The following DCC variants were observed in gnomAD, a reference collection of about 807,000 sequenced individuals.
DCC encodes the protein netrin receptor DCC.
Under a neutral mutation model 172.5 loss-of-function variants are expected in DCC, and 58 were observed. That is an observed-to-expected ratio of 0.34 (90% CI 0.27 to 0.42). DCC has a LOEUF of 0.42. Ranked by LOEUF, DCC falls within the 10% of genes least tolerant of loss-of-function variation. The probability of loss-of-function intolerance (pLI) is 1.00; values close to 1 mark genes in which losing one functional copy is unlikely to be tolerated. For missense variants in DCC, 1,740 were observed against 1,791.0 expected, an observed-to-expected ratio of 0.97 and a Z score of 0.51; for synonymous variants, 709 against 644.5, an observed-to-expected ratio of 1.10 and a Z score of -1.52.
chr18:53,188,035 T>G (rs750818633), intron 9 of DCC, among the ~76,000 whole-genome samples: 8 of 152,338 alleles, frequency 5.3e-5, no homozygotes, highest in South Asian at 2.1e-4. Flanking sequence ...TGCTAGTAAC[T>G]TGTACATTGT....
At chr18:53,351,398 AG>A (rs2057803364) in intron 15 of DCC, among the ~76,000 whole-genome samples, 1 of 14,076 alleles carries the variant, frequency 7.1e-5, no homozygotes, top group Non-Finnish European at 1.3e-4. Flanking sequence ...ATATATATAC[AG>A]TGTATATATA....
intron 1 of DCC, among the ~76,000 whole-genome samples, chr18:52,471,681 A>G (rs1324405198): frequency 6.6e-6 from 1 of 152,242 alleles, no homozygotes; most frequent in Non-Finnish European, 1.5e-5. Flanking sequence ...TAGTAAATAT[A>G]TATCAGAGTA....
intron 26 of DCC, among the ~76,000 whole-genome samples, chr18:53,491,796 T>C (rs995172831): frequency 6.6e-6 from 1 of 152,196 alleles, no homozygotes; most frequent in East Asian, 1.9e-4. Context: ...TACACATGCA[T>C]GTTTCTTTAT....
intron 16 of DCC, among the ~76,000 whole-genome samples, chr18:53,390,251 T>TTCTCTC (rs3838902): frequency 1.5e-5 from 2 of 133,548 alleles, no homozygotes; most frequent in East Asian, 2.0e-4. Context: ...CTCTTTCTCT[T>TTCTCTC]TCTCTCTCTC....
At chr18:52,899,713 C>T (rs1161809439) in intron 2 of DCC, among the ~76,000 whole-genome samples, 4 of 151,694 alleles carry the variant, frequency 2.6e-5, no homozygotes, top group Non-Finnish European at 5.9e-5. Flanking sequence ...CCAAGTTGGT[C>T]TCAAACTCCT....
At chr18:53,058,394 G>A (rs1314511430) in intron 5 of DCC, among the ~76,000 whole-genome samples, 1 of 152,094 alleles carries the variant, frequency 6.6e-6, no homozygotes, top group African/African-American at 2.4e-5. Flanking sequence ...AACATTTTGA[G>A]AACAGAAGTG....
chr18:53,087,445 G>A (rs1369279233), intron 7 of DCC, among the ~76,000 whole-genome samples: 2 of 151,158 alleles, frequency 1.3e-5, no homozygotes, highest in Non-Finnish European at 3.0e-5. Flanking sequence ...TTTTTGATGG[G>A]GTTGTTTGTT....
chr18:52,510,106 C>T (rs1003525735), intron 1 of DCC, among the ~76,000 whole-genome samples: 2 of 142,162 alleles, frequency 1.4e-5, no homozygotes, highest in African/African-American at 2.7e-5. Context: ...TTCTGTCCCC[C>T]CTGCATCCCC....
chr18:52,377,698 CTTTTTT>C (rs34881042), intron 1 of DCC, among the ~76,000 whole-genome samples: 2 of 136,040 alleles, frequency 1.5e-5, no homozygotes, highest in African/African-American at 5.5e-5. Context: ...TATTAAGCCA[CTTTTTT>C]TTTTTTTTTT....
chr18:53,312,664 C>A (rs895607593), intron 13 of DCC, among the ~76,000 whole-genome samples: 2 of 150,628 alleles, frequency 1.3e-5, no homozygotes, highest in African/African-American at 4.9e-5. Context: ...AAAAAATTAG[C>A]CGGGCGTCGT....
At chr18:53,263,236 C>T (rs1176641948) in intron 12 of DCC, among the ~76,000 whole-genome samples, 1 of 152,212 alleles carries the variant, frequency 6.6e-6, no homozygotes, top group Non-Finnish European at 1.5e-5. Flanking sequence ...ACTGCAGCCT[C>T]CGCCTCTGGG....
intron 28 of DCC, among the ~76,000 whole-genome samples, chr18:53,527,129 GTGTGTGTT>G (rs1213104003): frequency 7.5e-6 from 1 of 133,452 alleles, no homozygotes; most frequent in Non-Finnish European, 1.6e-5. Context: ...GTGTGTGTGT[GTGTGTGTT>G]TCTTTTCAAT....
At chr18:52,673,055 C>T (rs1044550498) in intron 1 of DCC, among the ~76,000 whole-genome samples, 1 of 152,092 alleles carries the variant, frequency 6.6e-6, no homozygotes, top group Non-Finnish European at 1.5e-5. Flanking sequence ...AGAGCGAGAC[C>T]CTGTCTCTTA....
intron 5 of DCC, among the ~76,000 whole-genome samples, chr18:53,030,274 A>G (rs943050146): frequency 3.3e-5 from 5 of 152,132 alleles, no homozygotes; most frequent in Admixed American, 2.0e-4. Flanking sequence ...AGTATAGGAG[A>G]TATATGCACA....
At chr18:53,527,204 T>TC (rs1476135985) in intron 28 of DCC, among the ~76,000 whole-genome samples, 13 of 149,120 alleles carry the variant, frequency 8.7e-5, no homozygotes, top group African/African-American at 2.5e-4. Flanking sequence ...CTCTTCTTCT[T>TC]CCTTTTTTTT....
chr18:53,000,267 A>T (rs1304001177), intron 5 of DCC, among the ~76,000 whole-genome samples: 1 of 152,112 alleles, frequency 6.6e-6, no homozygotes, highest in Non-Finnish European at 1.5e-5. Flanking sequence ...GATAAATGAA[A>T]TGAATTGAAA....
At chr18:52,756,875 A>T (rs1379795768) in intron 2 of DCC, 1 of 152,214 alleles carries the variant, frequency 6.6e-6, no homozygotes, top group African/African-American at 2.4e-5. Context: ...AATAGAACTA[A>T]CAATTATTAT....
intron 1 of DCC, among the ~76,000 whole-genome samples, chr18:52,408,839 T>A (rs1986746536): frequency 6.6e-6 from 1 of 152,144 alleles, no homozygotes; most frequent in Admixed American, 6.6e-5. Context: ...AGGAATCTTT[T>A]CACTGGAAAC....
At chr18:53,158,988 C>CAAAAAAAAAAAAAAAAA (rs558049091) in intron 8 of DCC, among the ~76,000 whole-genome samples, 12 of 52,372 alleles carry the variant, frequency 2.3e-4, no homozygotes, top group African/African-American at 6.6e-4. Context: ...GACGCCATCT[C>CAAAAAAAAAAAAAAAAA]AAAAAAAAAA....
Sources: allele counts gnomAD v4.1 joint callset (sites outside exome capture counted in the v4.1 genomes callset), GRCh38; gene constraint gnomAD v4.1.1; transcripts MANE v1.5; gene names NCBI Gene and HGNC (gene_info 2026-07-23, HGNC 2026-07-21).